Variants in KCND3 observed in about 807,000 individuals in gnomAD.
KCND3 encodes the protein A-type voltage-gated potassium channel KCND3.
A neutral mutation model predicts 51.1 loss-of-function variants in KCND3; 9 were observed. The observed-to-expected ratio is 0.18, with a 90% confidence interval of 0.11 to 0.31. The LOEUF is 0.31. Among genes scored for constraint, KCND3 ranks in the 10% least tolerant of loss-of-function variants. The pLI is 1.00. For missense variants in KCND3, 526 were observed against 903.8 expected (o/e 0.58, Z 5.36); for synonymous variants, 349 against 368.0 (o/e 0.95, Z 0.59).
intron 2 of KCND3, among the ~76,000 whole-genome samples, chr1:111,823,628 G>A (rs901617011): frequency 5.9e-5 from 9 of 152,168 alleles, no homozygotes; most frequent in Non-Finnish European, 1.0e-4. Flanking sequence ...TCATTGTGGG[G>A]TGCATTATGT....
chr1:111,970,479 A>C (rs1457759609), intron 2 of KCND3, among the ~76,000 whole-genome samples: 1 of 152,236 alleles, frequency 6.6e-6, no homozygotes, highest in Non-Finnish European at 1.5e-5. Context: ...ATGATCTTTT[A>C]AGGGCCAGCT....
At chr1:111,823,382 C>A (rs1666433758) in intron 2 of KCND3, among the ~76,000 whole-genome samples, 2 of 152,162 alleles carry the variant, frequency 1.3e-5, no homozygotes, top group Admixed American at 1.3e-4. Flanking sequence ...ATGGAACCTA[C>A]TCTGGTCCCT....
At chr1:111,867,836 A>G (rs1226295319) in intron 2 of KCND3, among the ~76,000 whole-genome samples, 2 of 152,214 alleles carry the variant, frequency 1.3e-5, no homozygotes, top group South Asian at 4.1e-4. Flanking sequence ...AATGTATAAG[A>G]CATAGTGTCT....
rs1189884081 is a variant in KCND3, at chr1:111,983,022, T to C, written c.-72-224A>G. On this transcript the variant is annotated intron_variant, in intron 1 of 7. Coordinates refer to ENST00000302127, the MANE Select transcript of KCND3 (RefSeq NM_001378969.1). Reference sequence around the variant, plus strand: ...CTCGGCAGGGTGGGATCGCCAGATGTTGCTGACTGCCTGACAAATCGTCAA... The same window carrying C: ...CTCGGCAGGGTGGGATCGCCAGATGCTGCTGACTGCCTGACAAATCGTCAA... Among the ~76,000 whole-genome samples the C allele has an allele frequency of 3.3e-5, 5 of 152,246 alleles. No homozygotes were observed. The East Asian group carries it at 9.7e-4, about 29-fold the overall frequency.
At chr1:111,839,659 G>C (rs909304892) in intron 2 of KCND3, among the ~76,000 whole-genome samples, 2 of 152,208 alleles carry the variant, frequency 1.3e-5, no homozygotes, top group Non-Finnish European at 2.9e-5. Flanking sequence ...AAATGTGCCG[G>C]CACTAGGCCA....
intron 2 of KCND3, among the ~76,000 whole-genome samples, chr1:111,973,497 G>T (rs931336455): frequency 1.5e-4 from 23 of 152,366 alleles, no homozygotes; most frequent in Non-Finnish European, 1.5e-4. Flanking sequence ...TTCCAGTCCT[G>T]TTGGGATCGG....
chr1:111,891,188 G>C (rs1026523902), intron 2 of KCND3, among the ~76,000 whole-genome samples: 1 of 152,146 alleles, frequency 6.6e-6, no homozygotes, highest in South Asian at 2.1e-4. Context: ...AAATCACTTG[G>C]TGTTTGTAAA....
intron 2 of KCND3, among the ~76,000 whole-genome samples, chr1:111,900,607 A>G (rs1051959324): frequency 6.6e-6 from 1 of 152,186 alleles, no homozygotes; most frequent in Non-Finnish European, 1.5e-5. Context: ...AACTGTGTTT[A>G]TCTTGTATAC....
intron 2 of KCND3, among the ~76,000 whole-genome samples, chr1:111,867,350 A>G (rs1318821122): frequency 6.6e-6 from 1 of 152,206 alleles, no homozygotes; most frequent in East Asian, 1.9e-4. Flanking sequence ...CCCCTTTAGA[A>G]GCTGAAGGGC....
intron 2 of KCND3, among the ~76,000 whole-genome samples, chr1:111,815,218 C>T (rs1480339117): frequency 6.6e-6 from 1 of 152,172 alleles, no homozygotes; most frequent in Non-Finnish European, 1.5e-5. Context: ...TCTCGGAGGG[C>T]TGAGACCAAT....
chr1:111,976,569 T>C (rs970140786), intron 2 of KCND3, among the ~76,000 whole-genome samples: 3 of 152,254 alleles, frequency 2.0e-5, no homozygotes, highest in Non-Finnish European at 2.9e-5. Flanking sequence ...GCATGAATCA[T>C]GCATGATCTC....
At chr1:111,948,381 G>A (rs2101900545) in intron 2 of KCND3, among the ~76,000 whole-genome samples, 1 of 152,366 alleles carries the variant, frequency 6.6e-6, no homozygotes, top group Non-Finnish European at 1.5e-5. Flanking sequence ...AGGGCAGAAA[G>A]CCAGCCTCCT....
At chr1:111,807,448 C>A (rs908761449) in intron 2 of KCND3, among the ~76,000 whole-genome samples, 4 of 152,138 alleles carry the variant, frequency 2.6e-5, no homozygotes, top group Non-Finnish European at 5.9e-5. Flanking sequence ...GAGGCCAAGG[C>A]GGGTGGATCA....
intron 2 of KCND3, among the ~76,000 whole-genome samples, chr1:111,867,019 G>C (rs1041318118): frequency 7.2e-5 from 11 of 152,206 alleles, no homozygotes; most frequent in African/African-American, 7.2e-5. Flanking sequence ...TTAAGTCCTC[G>C]CTCTGCCAGT....
chr1:111,865,108 T>G (rs932752340), intron 2 of KCND3, among the ~76,000 whole-genome samples: 4 of 152,150 alleles, frequency 2.6e-5, no homozygotes, highest in Non-Finnish European at 5.9e-5. Context: ...CACTATCAGG[T>G]AGAGGTGGGT....
chr1:111,928,092 A>AT lies in KCND3; in HGVS notation c.1106+53528dup, dbSNP rs199504587. Among the ~76,000 whole-genome samples the AT allele has an allele frequency of 4.7e-4, 69 of 147,970 alleles. 1 individual carries two copies. In the South Asian group the frequency reaches 0.011, roughly 24 times the overall value. The stretch of plus-strand genomic sequence containing the variant: ...CGCACTTACCACCACTGACTTTTTA[A>AT]TTTTTTTTTTTAGCTAACGTATCTC... On this transcript the variant is annotated intron_variant, in intron 2 of 7. Coordinates refer to ENST00000302127, the MANE Select transcript of KCND3 (RefSeq NM_001378969.1).
At position 111,819,071 on chromosome 1, in the gene KCND3, T is replaced by C. The variant is rs544089211; in HGVS notation, c.1107-31965A>G. 7.2e-5 allele frequency among the ~76,000 whole-genome samples: 11 copies of C among 152,186 alleles called. No individual in the cohort carries two copies. The East Asian group carries it at 2.1e-3, about 29-fold the overall frequency. ...AGTGCAGTGGCACCATCACAGTCAT[T>C]TGGATTTGAACCCACCCAGGCCTTC... On this transcript the variant is annotated intron_variant, in intron 2 of 7. Transcript: ENST00000302127.
chr1:111,922,034 G>A (rs990198449), intron 2 of KCND3, among the ~76,000 whole-genome samples: 8 of 152,190 alleles, frequency 5.3e-5, no homozygotes, highest in African/African-American at 1.9e-4. Flanking sequence ...TCTCAAGGCA[G>A]CTAAAAAACT....
At chr1:111,936,052 T>C (rs1332678039) in intron 2 of KCND3, among the ~76,000 whole-genome samples, 4 of 152,250 alleles carry the variant, frequency 2.6e-5, no homozygotes, top group Non-Finnish European at 1.5e-5. Flanking sequence ...TGATAAATTG[T>C]GCTTTTTGTA....
Sources: gnomAD v4.1 joint callset for allele counts (sites outside exome capture counted in the v4.1 genomes callset) on GRCh38, gnomAD v4.1.1 for gene constraint, MANE v1.5 for transcripts, NCBI Gene and HGNC (gene_info 2026-07-23, HGNC 2026-07-21) for gene names.